Variants in TNK2 observed in about 807,000 individuals in gnomAD.
TNK2 encodes activated CDC42 kinase 1.
In TNK2, 83 loss-of-function variants were observed where a neutral mutation model predicts 101.8. That is an observed-to-expected ratio of 0.82 (90% confidence interval 0.68 to 0.98). TNK2 has a LOEUF of 0.98. TNK2 is among the 50% of genes least tolerant of loss of function. The pLI is 0.00. For missense variants in TNK2, 1,665 were observed against 1,483.2 expected (o/e 1.12, Z -2.01); for synonymous variants, 804 against 633.0 (o/e 1.27, Z -4.06).
rs532824934 is a variant in TNK2 at position 195,885,768 on chromosome 3, G to A, written c.235-735C>T. On this transcript the variant is annotated intron_variant, in intron 3 of 15. Coordinates refer to ENST00000672887, the MANE Select transcript of TNK2 (RefSeq NM_001382273.1). This position sits in a 1 kb window ranked among gnomAD's most constrained non-coding sequence, Gnocchi z 4.7. ...AGGGACAGAAGAAAGGAGGCCATGA[G>A]GGTCAAAGCTGGCCACGTCGGTCTG... The A allele has an allele frequency of 5.2e-6, 2 of 387,000 alleles. No individual in the cohort carries two copies. The highest frequency in any genetic ancestry group is 9.6e-6 in the Non-Finnish European group (2 of 208,024). The allele number at this position is 387,000 out of a possible 1,614,324, so 24.0% of individuals were successfully genotyped here. A position where few individuals can be genotyped will look rare whatever the true frequency, so the allele number is the denominator to read the frequency against.
chr3:195,874,171 C>T (rs1747483853), intron 9 of TNK2, among the ~76,000 whole-genome samples: 1 of 152,220 alleles, frequency 6.6e-6, no homozygotes, highest in Non-Finnish European at 1.5e-5. Context: ...CTGCTCTCCA[C>T]ACCTCTTCAG....
chr3:195,884,706 T>C, intron 4 of TNK2, 106 bp downstream of exon 4: 1 of 1,032,578 alleles, frequency 9.7e-7, no homozygotes, highest in East Asian at 2.7e-5. Flanking sequence ...TGAGCCACAC[T>C]GTGACGCATC....
intron 1 of TNK2, among the ~76,000 whole-genome samples, chr3:195,904,719 C>T (rs930659642): frequency 4.1e-4 from 63 of 152,074 alleles, no homozygotes; most frequent in East Asian, 3.9e-4. Flanking sequence ...AAATAAAAAA[C>T]CAATACTACC....
chr3:195,889,505 C>G (rs75861841), intron 1 of TNK2, among the ~76,000 whole-genome samples: 29,689 of 151,954 alleles, frequency 0.2, 3,100 homozygotes, highest in Non-Finnish European at 0.24. Flanking sequence ...GCTTCAGACT[C>G]TGTTGTCCCT....
Position 195,890,600 on chromosome 3 carries a change from G to A in TNK2, c.-18-1994C>T, listed in dbSNP as rs1168273529. Reference sequence around the variant, plus strand: ...CAAGAAGCTGGGATCACAGGCGCCCGGCTAATTTTTGTATTTTTAGTGGAG... The same window carrying A: ...CAAGAAGCTGGGATCACAGGCGCCCAGCTAATTTTTGTATTTTTAGTGGAG... On this transcript the variant is annotated intron_variant, in intron 1 of 15. Transcript: ENST00000672887. 9.2e-5 allele frequency among the ~76,000 whole-genome samples: 14 copies of A among 151,942 alleles called. No individual in the cohort carries two copies. In the South Asian group the frequency reaches 2.5e-3, roughly 27 times the overall value.
Position 195,885,419 on chromosome 3 carries a change from C to G in TNK2, c.235-386G>C. ...CGCAGACTCCAGCCCTAACCCGCATCGATGGAGCCGCAGGGGCCCTCCACA... is the reference window on the plus strand; with the variant it reads ...CGCAGACTCCAGCCCTAACCCGCATGGATGGAGCCGCAGGGGCCCTCCACA... On this transcript the variant is annotated intron_variant, in intron 3 of 15. Transcript: ENST00000672887. This position sits in a 1 kb window ranked among gnomAD's most constrained non-coding sequence, Gnocchi z 4.7. 2 of 1,329,598 alleles carry G rather than the reference C, an allele frequency of 1.5e-6. No homozygotes were observed. The highest frequency in any genetic ancestry group is 9.8e-7 in the Non-Finnish European group (1 of 1,015,406). The allele number at this position is 1,329,598 out of a possible 1,614,324, so 82.4% of individuals were successfully genotyped here.
chr3:195,884,986 A>G lies in TNK2; in HGVS notation c.282T>C (p.Ser94=). 3.7e-6 allele frequency: 6 copies of G among 1,613,082 alleles called. No individual in the cohort carries two copies. The highest frequency in any genetic ancestry group is 5.1e-6 in the Non-Finnish European group (6 of 1,179,468). Residue 94 remains serine, a synonymous_variant, in exon 4 of 16, where the codon TCT becomes TCC. Coordinates refer to ENST00000672887, the MANE Select transcript of TNK2 (RefSeq NM_001382273.1). ...GCGAGGTCTTCCGGAAGGTGCTCTG[A>G]GAGTGATGAGGTGGGAACTCAGCCT... ...RLEAEFPPHH[S]QSTFRKTSPA...
At chr3:195,869,309 G>T in intron 12 of TNK2, 188 bp downstream of exon 12, 1 of 658,942 alleles carries the variant, frequency 1.5e-6, no homozygotes, top group Non-Finnish European at 2.7e-6. Flanking sequence ...GTGAGCAGAA[G>T]CCCAGGCTCC....
At chr3:195,875,688 C>A (rs1418087541) in intron 9 of TNK2, among the ~76,000 whole-genome samples, 1 of 152,192 alleles carries the variant, frequency 6.6e-6, no homozygotes, top group Non-Finnish European at 1.5e-5. Flanking sequence ...AGGCCGGAGT[C>A]CCCGTGGCCA....
In TNK2 at chr3:195,867,456, G is replaced by A. The variant is rs376634615; in HGVS notation, c.2842C>T (p.Arg948Trp). The A allele has an allele frequency of 3.0e-5, 47 of 1,589,362 alleles. No individual in the cohort carries two copies. In the East Asian group the frequency reaches 8.3e-4, roughly 28 times the overall value. ...FSTNNSNPGA[R>W]PPPPRATARL... The stretch of plus-strand genomic sequence containing the variant: ...GCAGTGGCCCTCGGGGGTGGTGGCC[G>A]GGCCCCTGGGTTGCTGTTGTTGGTG... Residue 948 changes from arginine to tryptophan, a missense_variant, in exon 13 of 16, where the codon CGG becomes TGG. Arg to Trp is a moderately radical substitution (Grantham distance 101). Around this residue, in one of 3 missense-constraint regions of TNK2, gnomAD observed 1,136 missense variants for 894.9 expected, o/e 1.27. Coordinates refer to ENST00000672887, the MANE Select transcript of TNK2 (RefSeq NM_001382273.1).
At chr3:195,870,834 C>A (rs537294113) in intron 10 of TNK2, among the ~76,000 whole-genome samples, 1 of 152,364 alleles carries the variant, frequency 6.6e-6, no homozygotes, top group East Asian at 1.9e-4. Context: ...ACTCTCAGGC[C>A]CTTGCTGGGT....
chr3:195,886,984 A>C lies in TNK2; in HGVS notation c.227T>G (p.Met76Arg). 1 of 1,613,800 alleles carries C rather than the reference A, an allele frequency of 6.2e-7. No homozygotes were observed. The highest frequency in any genetic ancestry group is 8.5e-7 in the Non-Finnish European group (1 of 1,179,908). The change falls in exon 3 of 16, where the codon ATG (methionine) becomes AGG (arginine). Residue 76 changes from methionine to arginine, a missense_variant. This residue lies in a region of TNK2 where 490 missense variants were observed against 522.5 expected (regional missense o/e 0.94). Coordinates refer to ENST00000672887, the MANE Select transcript of TNK2 (RefSeq NM_001382273.1). This position sits in a 1 kb window ranked among gnomAD's most constrained non-coding sequence, Gnocchi z 4.2. Reference protein sequence around the residue: ...RKALCKRKSWMSKVFSGKRLE... With the variant: ...RKALCKRKSWRSKVFSGKRLE... Reference sequence around the variant, plus strand: ...ACCCACCTCCTCACCCACCTTACTCATCCACGACTTGCGTTTGCACAAGGC... The same window carrying C: ...ACCCACCTCCTCACCCACCTTACTCCTCCACGACTTGCGTTTGCACAAGGC...
rs571308462 is a variant in TNK2, at chr3:195,869,484, C to G, written c.1588+13G>C. 1.3e-6 allele frequency: 2 copies of G among 1,550,248 alleles called. No homozygotes were observed. The highest frequency in any genetic ancestry group is 1.4e-5 in the African/African-American group (1 of 73,036). On this transcript the variant is annotated intron_variant, in intron 12 of 15. Transcript: ENST00000672887. ...GGGGCGGGGGCCAAGGCATCGGAAGCAGCCCCACTTACTCTGAGTGAAGAA... is the reference window on the plus strand; with the variant it reads ...GGGGCGGGGGCCAAGGCATCGGAAGGAGCCCCACTTACTCTGAGTGAAGAA...
chr3:195,865,452 C>G (rs1392821294), intron 15 of TNK2, among the ~76,000 whole-genome samples: 1 of 146,956 alleles, frequency 6.8e-6, no homozygotes, highest in African/African-American at 2.6e-5. Context: ...CAGGATGGGA[C>G]AGACAGGTGA....
chr3:195,868,657 G>A lies in TNK2; in HGVS notation c.1641C>T (p.Phe547=), dbSNP rs1188788382. The A allele has an allele frequency of 1.9e-6, 3 of 1,593,664 alleles. No individual in the cohort carries two copies. The highest frequency in any genetic ancestry group is 1.1e-5 in the South Asian group (1 of 90,852). The change falls in exon 13 of 16, where the codon TTC becomes TTT. Residue 547 remains phenylalanine (F), a synonymous_variant. Transcript: ENST00000672887. Reference sequence around the variant, plus strand: ...CTGGCTTCCGCAGGCCCAGCCTCTTGAAGTCGCTGGACAAGGGGTCTTGGT... The same window carrying A: ...CTGGCTTCCGCAGGCCCAGCCTCTTAAAGTCGCTGGACAAGGGGTCTTGGT... ...SEDQDPLSSD[F]KRLGLRKPGL... is the part of the protein sequence containing the mutation.
At chr3:195,890,457 T>TTG (rs1666637537) in intron 1 of TNK2, among the ~76,000 whole-genome samples, 1 of 136,554 alleles carries the variant, frequency 7.3e-6, no homozygotes, top group African/African-American at 3.1e-5. Flanking sequence ...TTTTTTGGTT[T>TTG]TTTTTTTTTT....
chr3:195,869,329 GC>G, intron 12 of TNK2, 167 bp downstream of exon 12: 1 of 721,298 alleles, frequency 1.4e-6, no homozygotes, highest in Non-Finnish European at 2.3e-6. Flanking sequence ...CGGGGGGCGG[GC>G]TCGAGGGGGG....
At chr3:195,889,391 G>A (rs746204158) in intron 1 of TNK2, among the ~76,000 whole-genome samples, 4 of 152,158 alleles carry the variant, frequency 2.6e-5, no homozygotes, top group Non-Finnish European at 5.9e-5. Context: ...ATATATGCAC[G>A]TGGTAAAATA....
At chr3:195,881,649 A>G (rs1323984709) in intron 6 of TNK2, among the ~76,000 whole-genome samples, 20 of 63,876 alleles carry the variant, frequency 3.1e-4, no homozygotes, top group East Asian at 2.7e-3. Context: ...CCCCCCCAGC[A>G]ACGCCCTTTG....
Sources: allele counts gnomAD v4.1 joint callset (sites outside exome capture counted in the v4.1 genomes callset), GRCh38; gene constraint gnomAD v4.1.1; regional missense constraint gnomAD v4.1.1; non-coding constraint Gnocchi (gnomAD v3.1); transcripts MANE v1.5; gene names NCBI Gene and HGNC (gene_info 2026-07-23, HGNC 2026-07-21).